Variants in SLC9A9 observed in about 807,000 individuals in gnomAD.
SLC9A9 encodes sodium/hydrogen exchanger 9.
A neutral mutation model predicts 77.8 loss-of-function variants in SLC9A9; 62 were observed. The observed-to-expected ratio is 0.80, with a 90% CI of 0.65 to 0.98. The LOEUF is 0.98. Ranked by LOEUF, SLC9A9 falls within the 50% of genes least tolerant of loss-of-function variation. The pLI, the probability that SLC9A9 is intolerant of heterozygous loss-of-function variation, is 0.00. For synonymous variants in SLC9A9, 320 were observed against 283.5 expected, an observed-to-expected ratio of 1.13 and a Z score of -1.29; for missense variants, 775 against 774.9, an observed-to-expected ratio of 1.00 and a Z score of 0.00.
intron 9 of SLC9A9, among the ~76,000 whole-genome samples, chr3:143,496,229 A>T (rs1426040078): frequency 6.6e-6 from 1 of 152,204 alleles, no homozygotes; most frequent in Non-Finnish European, 1.5e-5. Flanking sequence ...TTTAAGTTGA[A>T]CATGAAAAAC....
intron 6 of SLC9A9, among the ~76,000 whole-genome samples, chr3:143,616,821 T>C (rs1424680067): frequency 6.6e-6 from 1 of 152,200 alleles, no homozygotes. Flanking sequence ...ATCTCCTTGT[T>C]TGACATTGTT....
At chr3:143,711,896 G>A (rs955987602) in intron 4 of SLC9A9, among the ~76,000 whole-genome samples, 1 of 152,154 alleles carries the variant, frequency 6.6e-6, no homozygotes, top group African/African-American at 2.4e-5. Context: ...AAACTCCAGG[G>A]CTAGAGCTAC....
In SLC9A9 at chr3:143,826,451, C is replaced by T. The variant is rs775276496; in HGVS notation, c.378+5568G>A. ...CAAGCCCTTCACAGCCTTCCTTCCT[C>T]GTTTTTCTTGCATCTACCTCTTGGT... On this transcript the variant is annotated intron_variant, in intron 2 of 15. Transcript: ENST00000316549. Among the ~76,000 whole-genome samples, 17 of 152,240 alleles carry T rather than the reference C, an allele frequency of 1.1e-4. No homozygotes were observed. The East Asian group carries it at 1.2e-3, about 10-fold the overall frequency.
intron 12 of SLC9A9, among the ~76,000 whole-genome samples, chr3:143,423,438 A>G (rs1355406390): frequency 6.6e-6 from 1 of 152,228 alleles, no homozygotes; most frequent in Non-Finnish European, 1.5e-5. Context: ...TGGAGCAAGT[A>G]AGGTACAAGA....
intron 9 of SLC9A9, among the ~76,000 whole-genome samples, chr3:143,521,949 G>T (rs983429342): frequency 3.9e-5 from 6 of 152,048 alleles, no homozygotes; most frequent in Non-Finnish European, 8.8e-5. Context: ...ATTTTGGATT[G>T]TGAGCTCGTG....
intron 4 of SLC9A9, among the ~76,000 whole-genome samples, chr3:143,777,456 G>T (rs1158962446): frequency 1.3e-5 from 2 of 152,086 alleles, no homozygotes. Context: ...AACTTGCATA[G>T]AATTAAGATT....
intron 12 of SLC9A9, among the ~76,000 whole-genome samples, chr3:143,396,175 A>G (rs1017360905): frequency 6.6e-6 from 1 of 152,216 alleles, no homozygotes; most frequent in African/African-American, 2.4e-5. Flanking sequence ...CACTATTCAC[A>G]ATAGGAAAGA....
chr3:143,380,866 G>T (rs1196247933), intron 13 of SLC9A9, among the ~76,000 whole-genome samples: 1 of 152,212 alleles, frequency 6.6e-6, no homozygotes, highest in African/African-American at 2.4e-5. Context: ...CTCACCAGTT[G>T]TGCCTCATTG....
At position 143,663,687 on chromosome 3, in the gene SLC9A9, C is replaced by T. The variant is rs76950090; in HGVS notation, c.650-11327G>A. On this transcript the variant is annotated intron_variant, in intron 5 of 15. Coordinates refer to ENST00000316549, the MANE Select transcript of SLC9A9 (RefSeq NM_173653.4). ...TGACGCATGCACAAGTTTCAGTAGC[C>T]GATTCCATCAAGTGGAAGAAAGGGT... 3.1e-3 allele frequency among the ~76,000 whole-genome samples: 476 copies of T among 152,038 alleles called. 1 individual carries two copies. Among genetic ancestry groups the T allele is most frequent in the African/African-American group, 7.1e-3 (294 of 41,454 alleles).
intron 8 of SLC9A9, among the ~76,000 whole-genome samples, chr3:143,558,893 C>T (rs796858314): frequency 2.6e-5 from 4 of 152,142 alleles, no homozygotes; most frequent in African/African-American, 9.6e-5. Flanking sequence ...TTGGCTGTGT[C>T]CCCACCCAAA....
At chr3:143,741,708 T>C (rs1202171037) in intron 4 of SLC9A9, among the ~76,000 whole-genome samples, 2 of 152,122 alleles carry the variant, frequency 1.3e-5, no homozygotes, top group African/African-American at 4.8e-5. Context: ...GCTGACAGTA[T>C]GTAGTCTTTG....
rs367667420 is a variant in SLC9A9 at position 143,565,471 on chromosome 3, C to T, written c.1000+8617G>A. ...TGAAGAAAGGAGGGGTAAATTTGTC[C>T]ACTGCTTTAGCTATATGTGCAGGTT... On this transcript the variant is annotated intron_variant, in intron 8 of 15. Coordinates refer to ENST00000316549, the MANE Select transcript of SLC9A9 (RefSeq NM_173653.4). Among the ~76,000 whole-genome samples, 91 of 152,170 alleles carry T rather than the reference C, an allele frequency of 6.0e-4. 1 individual carries two copies. The South Asian group carries it at 0.018, about 31-fold the overall frequency.
chr3:143,785,964 C>T (rs1248775606), intron 4 of SLC9A9, among the ~76,000 whole-genome samples: 3 of 148,382 alleles, frequency 2.0e-5, no homozygotes, highest in Non-Finnish European at 4.5e-5. Flanking sequence ...TCACGCCATT[C>T]TCCTGCCTCA....
chr3:143,737,423 C>T (rs908988571), intron 4 of SLC9A9, among the ~76,000 whole-genome samples: 5 of 151,106 alleles, frequency 3.3e-5, no homozygotes, highest in Non-Finnish European at 7.4e-5. Context: ...GAAATAAAGG[C>T]TTGATTCAGA....
chr3:143,502,226 G>A (rs1423595503), intron 9 of SLC9A9, among the ~76,000 whole-genome samples: 10 of 150,894 alleles, frequency 6.6e-5, no homozygotes, highest in Admixed American at 6.6e-4. Flanking sequence ...GAGGACCCAA[G>A]TTAAAAGTAA....
At chr3:143,747,161 T>C (rs1935214071) in intron 4 of SLC9A9, among the ~76,000 whole-genome samples, 1 of 152,034 alleles carries the variant, frequency 6.6e-6, no homozygotes, top group Admixed American at 6.5e-5. Flanking sequence ...ATCCCAGCAC[T>C]TTGGGAGGCT....
At chr3:143,288,513 CTT>C (rs1938444970) in intron 14 of SLC9A9, among the ~76,000 whole-genome samples, 1 of 152,146 alleles carries the variant, frequency 6.6e-6, no homozygotes. Context: ...AAAAGGAAGA[CTT>C]TGGGGGGCAA....
At chr3:143,372,045 A>G (rs1047001934) in intron 13 of SLC9A9, 1 of 394,852 alleles carries the variant, frequency 2.5e-6, no homozygotes, top group Admixed American at 3.0e-5. Flanking sequence ...AGAACTACAA[A>G]AACACTGCTG....
At chr3:143,574,352 C>T (rs1250090041) in intron 7 of SLC9A9, among the ~76,000 whole-genome samples, 159 bp from the exon 8 acceptor site, 1 of 152,182 alleles carries the variant, frequency 6.6e-6, no homozygotes, top group Non-Finnish European at 1.5e-5. Flanking sequence ...CTGGGACCTA[C>T]TTTGAAGGCC....
Sources: gnomAD v4.1 joint callset for allele counts (sites outside exome capture counted in the v4.1 genomes callset) on GRCh38, gnomAD v4.1.1 for gene constraint, MANE v1.5 for transcripts, NCBI Gene and HGNC (gene_info 2026-07-23, HGNC 2026-07-21) for gene names.